The following PARPBP variants were observed in gnomAD, a reference collection of about 807,000 sequenced individuals.
The protein encoded by PARPBP is PARP1 binding protein.
Under a neutral mutation model 50.0 loss-of-function variants are expected in PARPBP, and 52 were observed. The observed-to-expected ratio is 1.04, with a 90% CI of 0.83 to 1.31. The LOEUF (loss-of-function observed/expected upper bound fraction) is 1.31, where lower values mean the gene tolerates loss of function less well. PARPBP is among the 50% of genes most tolerant of loss of function. The pLI, the probability that PARPBP is intolerant of heterozygous loss-of-function variation, is 0.00. For missense variants in PARPBP, 697 were observed against 672.0 expected (o/e 1.04, Z -0.41); for synonymous variants, 244 against 232.1 (o/e 1.05, Z -0.47).
intron 3 of PARPBP, among the ~76,000 whole-genome samples, chr12:102,149,946 T>C (rs1282433140): frequency 6.6e-6 from 1 of 152,236 alleles, no homozygotes; most frequent in African/African-American, 2.4e-5. Context: ...AGTACTGGAT[T>C]GTAGGACAAC....
chr12:102,140,188 A>G (rs1884346536), intron 2 of PARPBP, among the ~76,000 whole-genome samples: 1 of 152,162 alleles, frequency 6.6e-6, no homozygotes, highest in African/African-American at 2.4e-5. Context: ...TCAGGGATTC[A>G]ACTTCTTCCT....
At chr12:102,137,972 C>T (rs572813432) in intron 2 of PARPBP, among the ~76,000 whole-genome samples, 12 of 152,220 alleles carry the variant, frequency 7.9e-5, no homozygotes, top group South Asian at 6.2e-4. Context: ...CATACGTGTG[C>T]GTGTGTCTTC....
rs551530233 is a variant in PARPBP at position 102,175,799 on chromosome 12, G to A, written c.1005+133G>A. ...TGTGTTCTAAAATGATATTGAAAAT[G>A]TAAGTTTCTCAATAGGATTATGTAG... On this transcript the variant is annotated intron_variant, in intron 7 of 10. Transcript: ENST00000327680. 102 of 578,322 alleles carry A rather than the reference G, an allele frequency of 1.8e-4. 3 individuals are homozygous for A. In the South Asian group the frequency reaches 3.5e-3, roughly 20 times the overall value. 35.8% of individuals were successfully genotyped at this position (578,322 alleles called of 1,614,324 possible). A position where few individuals can be genotyped will look rare whatever the true frequency, so the allele number is the denominator to read the frequency against.
intron 2 of PARPBP, among the ~76,000 whole-genome samples, chr12:102,133,166 C>T (rs1390534650): frequency 1.3e-5 from 2 of 152,080 alleles, no homozygotes; most frequent in Non-Finnish European, 2.9e-5. Flanking sequence ...ACTCTGGCTA[C>T]ACCTTCTAGT....
chr12:102,164,922 G>A (rs886313161), intron 5 of PARPBP, among the ~76,000 whole-genome samples: 1 of 152,096 alleles, frequency 6.6e-6, no homozygotes, highest in Non-Finnish European at 1.5e-5. Flanking sequence ...AGGGCAAAAT[G>A]TTTAGAAGTA....
intron 4 of PARPBP, among the ~76,000 whole-genome samples, chr12:102,162,316 G>C (rs1307830238): frequency 6.6e-6 from 1 of 152,134 alleles, no homozygotes; most frequent in East Asian, 1.9e-4. Context: ...TATTAGTTGT[G>C]ACTGAAATTA....
Position 102,182,558 on chromosome 12 carries a change from A to G in PARPBP, c.1194A>G (p.Thr398=). The change falls in exon 9 of 11, where the codon ACA becomes ACG. Residue 398 remains threonine, a synonymous_variant. Coordinates refer to ENST00000327680, the MANE Select transcript of PARPBP (RefSeq NM_017915.5). ...TSILTLFRSP[T]QVNNSIKPLR... ...TTTTTTTTTGACATAGGTCTCCCACACAGGTGAATAATTCGATAAAACCCC... is the reference window on the plus strand; with the variant it reads ...TTTTTTTTTGACATAGGTCTCCCACGCAGGTGAATAATTCGATAAAACCCC... 1 of 1,608,890 alleles carries G rather than the reference A, an allele frequency of 6.2e-7. No individual in the cohort carries two copies. Among genetic ancestry groups the G allele is most frequent in the African/African-American group, 1.3e-5 (1 of 74,680 alleles).
chr12:102,156,261 A>T (rs1886923237), intron 4 of PARPBP, among the ~76,000 whole-genome samples: 1 of 127,808 alleles, frequency 7.8e-6, no homozygotes, highest in Admixed American at 1.1e-4. Flanking sequence ...ATCTCGGCTC[A>T]TTGGAAGCTC....
chr12:102,196,305 A>G lies in PARPBP; in HGVS notation c.*14A>G. On this transcript the variant is annotated 3_prime_UTR_variant, in exon 11 of 11. Coordinates refer to ENST00000327680, the MANE Select transcript of PARPBP (RefSeq NM_017915.5). ...TTTAGACTATAAATTTGTGTCTTAT[A>G]TGCTTTAGGTTTATGTATCTATAAA... 6.7e-7 allele frequency: 1 copy of G among 1,496,264 alleles called. No individual in the cohort carries two copies. The highest frequency in any genetic ancestry group is 9.1e-7 in the Non-Finnish European group (1 of 1,104,060). The allele number at this position is 1,496,264 out of a possible 1,614,324, so 92.7% of individuals were successfully genotyped here. A position where few individuals can be genotyped will look rare whatever the true frequency, so the allele number is the denominator to read the frequency against.
intron 4 of PARPBP, among the ~76,000 whole-genome samples, chr12:102,161,175 G>A (rs932104113): frequency 6.6e-6 from 1 of 150,752 alleles, no homozygotes; most frequent in Non-Finnish European, 1.5e-5. Flanking sequence ...GCATTATCTT[G>A]GCTCACTGCA....
intron 3 of PARPBP, among the ~76,000 whole-genome samples, chr12:102,151,250 G>A (rs999646368): frequency 6.6e-6 from 1 of 152,158 alleles, no homozygotes; most frequent in African/African-American, 2.4e-5. Flanking sequence ...AAAGAAGGCA[G>A]TGCACCTGCG....
intron 3 of PARPBP, chr12:102,150,169 A>G: frequency 2.2e-6 from 1 of 444,964 alleles, no homozygotes; most frequent in South Asian, 1.6e-5. Context: ...GTAAAATTGA[A>G]GCTGCTAAGA....
At chr12:102,147,483 G>A (rs970456461) in intron 2 of PARPBP, among the ~76,000 whole-genome samples, 3 of 148,944 alleles carry the variant, frequency 2.0e-5, no homozygotes, top group Non-Finnish European at 4.4e-5. Flanking sequence ...ACCAAACACC[G>A]CATGTTCTCA....
At chr12:102,150,260 C>T (rs1439068520) in intron 3 of PARPBP, 3 of 454,804 alleles carry the variant, frequency 6.6e-6, no homozygotes, top group Non-Finnish European at 1.3e-5. Flanking sequence ...ATTGTTTGTT[C>T]TAGGGAAATT....
intron 6 of PARPBP, among the ~76,000 whole-genome samples, chr12:102,166,601 G>A (rs769377670): frequency 6.6e-6 from 1 of 152,098 alleles, no homozygotes; most frequent in Non-Finnish European, 1.5e-5. Flanking sequence ...TGACTTGATA[G>A]ATACTATTAC....
At chr12:102,185,070 A>G (rs1419310074) in intron 9 of PARPBP, among the ~76,000 whole-genome samples, 5 of 152,188 alleles carry the variant, frequency 3.3e-5, no homozygotes, top group Non-Finnish European at 7.4e-5. Context: ...CTCAGATTTT[A>G]GTTTCCTCAT....
chr12:102,150,548 T>C (rs564047319), intron 3 of PARPBP, among the ~76,000 whole-genome samples: 2 of 152,332 alleles, frequency 1.3e-5, no homozygotes, highest in African/African-American at 4.8e-5. Flanking sequence ...ACAGTGCCCC[T>C]TCCCTCTTCA....
intron 9 of PARPBP, among the ~76,000 whole-genome samples, chr12:102,186,083 G>GT (rs1410755010): frequency 1.3e-5 from 2 of 151,928 alleles, no homozygotes; most frequent in Non-Finnish European, 2.9e-5. Context: ...TTTTTTCTAG[G>GT]TTTTCCAATT....
rs751029323 is a variant in PARPBP at position 102,178,754 on chromosome 12, A to G, written c.1168A>G (p.Ile390Val). The change falls in exon 8 of 11, where the codon ATT becomes GTT. Residue 390 changes from isoleucine to valine, a missense_variant. Coordinates refer to ENST00000327680, the MANE Select transcript of PARPBP (RefSeq NM_017915.5). Reference sequence around the variant, plus strand: ...CACAATCCATCATCATGGAACGTCTATTCTTACACTTTTTAGGTAAGTTAT... The same window carrying G: ...CACAATCCATCATCATGGAACGTCTGTTCTTACACTTTTTAGGTAAGTTAT... Reference protein sequence around the residue: ...ENTIHHHGTSILTLFRSPTQV... With the variant: ...ENTIHHHGTSVLTLFRSPTQV... 7 of 1,606,292 alleles carry G rather than the reference A, an allele frequency of 4.4e-6. No individual in the cohort carries two copies. The highest frequency in any genetic ancestry group is 2.2e-5 in the South Asian group (2 of 89,764).
Sources: gnomAD v4.1 joint callset for allele counts (sites outside exome capture counted in the v4.1 genomes callset) on GRCh38, gnomAD v4.1.1 for gene constraint, MANE v1.5 for transcripts, NCBI Gene and HGNC (gene_info 2026-07-23, HGNC 2026-07-21) for gene names.